TNS2: variants seen among roughly 807,000 people sequenced by gnomAD.
The protein encoded by TNS2 is tensin 2, also known as tensin-2.
A neutral mutation model predicts 155.7 loss-of-function variants in TNS2; 77 were observed. The observed-to-expected ratio is 0.49, with a 90% CI of 0.41 to 0.60. TNS2 has a LOEUF of 0.60. Among genes scored for constraint, TNS2 ranks in the 20% least tolerant of loss-of-function variants. The pLI is 0.00. For synonymous variants in TNS2, 726 were observed against 763.9 expected (o/e 0.95, Z 0.82); for missense variants, 1,703 against 1,868.8 (o/e 0.91, Z 1.64).
chr12:53,056,890 A>G lies in TNS2; in HGVS notation c.762-123A>G. 4 of 876,346 alleles carry G rather than the reference A, an allele frequency of 4.6e-6. No homozygotes were observed. In the South Asian group the frequency reaches 5.0e-5, roughly 11 times the overall value. 54.3% of individuals were successfully genotyped at this position (876,346 alleles called of 1,614,324 possible). A position where few individuals can be genotyped will look rare whatever the true frequency, so the allele number is the denominator to read the frequency against. On this transcript the variant is annotated intron_variant, in intron 10 of 28. Transcript: ENST00000314250. ...CATGGTGCTTCTCATTCTCATTACC[A>G]CTACTCTGGGCTTCTTCTAGACTTA...
At chr12:53,056,930 T>C in intron 10 of TNS2, 83 bp from the exon 11 acceptor site, 1 of 1,305,980 alleles carries the variant, frequency 7.7e-7, no homozygotes, top group Non-Finnish European at 1.1e-6. Context: ...ATCATATTTC[T>C]CCTCCATCCC....
At chr12:53,052,012 G>C (rs781114869) in intron 2 of TNS2, 49 bp downstream of exon 2, 3 of 1,467,284 alleles carry the variant, frequency 2.0e-6, no homozygotes, top group Non-Finnish European at 2.8e-6. Flanking sequence ...CAGTACCACT[G>C]TGTTGCACAA....
At chr12:53,057,511 A>T in intron 11 of TNS2, 56 bp from the exon 12 acceptor site, 1 of 1,302,290 alleles carries the variant, frequency 7.7e-7, no homozygotes, top group Middle Eastern at 1.9e-4. Context: ...TTGAAATGAT[A>T]CAAGGTGACC....
At chr12:53,048,299 C>T (rs143876074), upstream of TNS2, among the ~76,000 whole-genome samples, 202 of 152,252 alleles carry the variant, frequency 1.3e-3, 1 homozygote, top group African/African-American at 4.5e-3. Flanking sequence ...AGTGTGAGAC[C>T]AGTGAAGGTG....
rs1944224499 is a variant in TNS2 at position 53,058,096 on chromosome 12, T to C, written c.1089T>C (p.Asp363=). ...SLEPALLLKG[D]VMVTCYHKGG... The stretch of plus-strand genomic sequence containing the variant: ...AGCCAGCCCTCCTCCTCAAAGGCGA[T>C]GTCATGGTGAGGGGGGTCCTGTCAA... The change falls in exon 14 of 29, where the codon GAT becomes GAC. Residue 363 remains aspartate, a synonymous_variant. Transcript: ENST00000314250. 1 of 1,613,978 alleles carries C rather than the reference T, an allele frequency of 6.2e-7. No homozygotes were observed.
intron 12 of TNS2, 23 bp downstream of exon 12, chr12:53,057,702 C>A: frequency 6.2e-7 from 1 of 1,613,828 alleles, no homozygotes; most frequent in Non-Finnish European, 8.5e-7. Flanking sequence ...GAGATGTGCT[C>A]CCTAGGGAGA....
Position 53,064,054 on chromosome 12 carries a change from C to T in TNS2, c.*172C>T, listed in dbSNP as rs1043449. 2 of 712,266 alleles carry T rather than the reference C, an allele frequency of 2.8e-6. No individual in the cohort carries two copies. The highest frequency in any genetic ancestry group is 2.9e-5 in the Admixed American group (1 of 34,002). 44.1% of individuals were successfully genotyped at this position (712,266 alleles called of 1,614,324 possible). A position where few individuals can be genotyped will look rare whatever the true frequency, so the allele number is the denominator to read the frequency against. On this transcript the variant is annotated 3_prime_UTR_variant, in exon 29 of 29. Transcript: ENST00000314250. ...GCTCTCCTTCCCCGCCCCCAGCCTG[C>T]TAAGTTAAGTGGACAGGCCCACAAG...
chr12:53,055,338 C>A, intron 8 of TNS2, 102 bp downstream of exon 8: 1 of 1,338,972 alleles, frequency 7.5e-7, no homozygotes, highest in Non-Finnish European at 1.1e-6. Flanking sequence ...ATCTACTTCA[C>A]TCTTAAGCAC....
At chr12:53,053,092 C>T (rs1592243253) in intron 3 of TNS2, 4 of 401,254 alleles carry the variant, frequency 1.0e-5, no homozygotes, top group East Asian at 5.7e-5. Context: ...CGGGGTCTCC[C>T]GGTGAAAGAA....
rs995787860 is a variant in TNS2, at chr12:53,055,822, G to A, written c.738G>A (p.Met246Ile). ...GKLGVIVSAY[M>I]HYSKISAGAD... ...TTGGGGTCATCGTTTCTGCCTACAT[G>A]CACTACAGCAAGATCTCTGCAGGGT... The change falls in exon 10 of 29, where the codon ATG (methionine) becomes ATA (isoleucine). Residue 246 changes from methionine (M) to isoleucine (I), a missense_variant. Coordinates refer to ENST00000314250, the MANE Select transcript of TNS2 (RefSeq NM_170754.4). The A allele has an allele frequency of 1.2e-6, 2 of 1,613,808 alleles. No individual in the cohort carries two copies. The highest frequency in any genetic ancestry group is 3.3e-5 in the Admixed American group (2 of 60,008).
In TNS2 at chr12:53,058,579, G is replaced by A. The variant is rs755220132; in HGVS notation, c.1233G>A (p.Arg411=). The A allele has an allele frequency of 3.1e-6, 5 of 1,613,976 alleles. No individual in the cohort carries two copies. Among genetic ancestry groups the A allele is most frequent in the Non-Finnish European group, 4.2e-6 (5 of 1,180,018 alleles). Residue 411 remains arginine (R), a synonymous_variant, in exon 16 of 29, where the codon AGG becomes AGA. Coordinates refer to ENST00000314250, the MANE Select transcript of TNS2 (RefSeq NM_170754.4). ...ACTGTCCACTCCCCATAGATGAGAG[G>A]TTCCCCTTCCAAGCCTCCGTGGAGT... The part of the protein sequence containing the change: ...DQLDEAWTDE[R]FPFQASVEFV...
At chr12:53,056,866 A>G (rs1944177732) in intron 10 of TNS2, 147 bp from the exon 11 acceptor site, 4 of 715,518 alleles carry the variant, frequency 5.6e-6, no homozygotes, top group Non-Finnish European at 7.0e-6. Flanking sequence ...GTGACTGTAC[A>G]TGGTGCTTCT....
chr12:53,057,439 G>A, intron 11 of TNS2, 128 bp from the exon 12 acceptor site: 1 of 783,552 alleles, frequency 1.3e-6, no homozygotes, highest in Non-Finnish European at 2.1e-6. Flanking sequence ...AGAACTTTCT[G>A]GTGACCCGGA....
At chr12:53,052,110 C>A in intron 2 of TNS2, 147 bp downstream of exon 2, 1 of 686,314 alleles carries the variant, frequency 1.5e-6, no homozygotes, top group Non-Finnish European at 2.4e-6. Context: ...CTGCCTCCCC[C>A]TTCAGATGGC....
chr12:53,059,598 C>T lies in TNS2; in HGVS notation c.1957C>T (p.Pro653Ser), dbSNP rs1291492935. The T allele has an allele frequency of 3.7e-6, 6 of 1,611,226 alleles. No homozygotes were observed. The highest frequency in any genetic ancestry group is 4.2e-6 in the Non-Finnish European group (5 of 1,178,932). The change falls in exon 18 of 29, where the codon CCC (proline) becomes TCC (serine). Residue 653 changes from proline to serine, a missense_variant. Coordinates refer to ENST00000314250, the MANE Select transcript of TNS2 (RefSeq NM_170754.4). This position sits in a 1 kb window ranked among gnomAD's most constrained non-coding sequence, Gnocchi z 4.7. ...LCRSLSEGLY[P>S]YPPEMGKPAT... ...CCGATCGCTGTCAGAGGGGCTATAC[C>T]CCTACCCACCTGAGATGGGGAAACC...
intron 1 of TNS2, among the ~76,000 whole-genome samples, chr12:53,051,595 G>A (rs1943933528): frequency 1.3e-5 from 2 of 152,206 alleles, no homozygotes; most frequent in Non-Finnish European, 2.9e-5. Context: ...ACACACCAGG[G>A]CCATGTGAGG....
intron 1 of TNS2, among the ~76,000 whole-genome samples, chr12:53,051,497 C>T (rs1222132018): frequency 7.1e-6 from 1 of 141,530 alleles, no homozygotes; most frequent in African/African-American, 2.6e-5. Context: ...GGTCTCCATG[C>T]GGGGAGGACA....
chr12:53,049,573 G>C (rs928237779), upstream of TNS2, among the ~76,000 whole-genome samples: 2 of 152,056 alleles, frequency 1.3e-5, no homozygotes, highest in Non-Finnish European at 2.9e-5. Context: ...ACTTCATAAC[G>C]AGTGAAACTG....
chr12:53,047,778 C>T (rs1005509352), upstream of TNS2, among the ~76,000 whole-genome samples: 1 of 152,196 alleles, frequency 6.6e-6, no homozygotes, highest in African/African-American at 2.4e-5. Context: ...TAAGCGGGCA[C>T]AGATGAGGCT....
Sources: gnomAD v4.1 joint callset for allele counts (sites outside exome capture counted in the v4.1 genomes callset) on GRCh38, gnomAD v4.1.1 for gene constraint, Gnocchi (gnomAD v3.1) non-coding constraint, MANE v1.5 for transcripts, NCBI Gene and HGNC (gene_info 2026-07-23, HGNC 2026-07-21) for gene names.